Variants in ZRANB1 observed in about 807,000 individuals in gnomAD.
ZRANB1 encodes ubiquitin thioesterase ZRANB1.
Under a neutral mutation model 80.5 loss-of-function variants are expected in ZRANB1, and 16 were observed. That is an observed-to-expected ratio of 0.20 (90% CI 0.13 to 0.30). ZRANB1 has a LOEUF of 0.30. Ranked by LOEUF, ZRANB1 falls within the 10% of genes least tolerant of loss-of-function variation. The probability of loss-of-function intolerance (pLI) is 1.00; values close to 1 mark genes in which losing one functional copy is unlikely to be tolerated. For synonymous variants in ZRANB1, 291 were observed against 293.1 expected, an observed-to-expected ratio of 0.99 and a Z score of 0.07; for missense variants, 576 against 862.6, an observed-to-expected ratio of 0.67 and a Z score of 4.16.
chr10:124,983,489 G>A lies in ZRANB1; in HGVS notation c.1709G>A (p.Ser570Asn). 1 of 1,612,696 alleles carries A rather than the reference G, an allele frequency of 6.2e-7. No homozygotes were observed. Among genetic ancestry groups the A allele is most frequent in the Non-Finnish European group, 8.5e-7 (1 of 1,178,764 alleles). The change falls in exon 8 of 9, where the codon AGT becomes AAT. Residue 570 changes from serine (S) to asparagine (N), a missense_variant. Physicochemically the swap from Ser to Asn is conservative, Grantham distance 46 (BLOSUM62 1). Around this residue, in one of 3 missense-constraint regions of ZRANB1, gnomAD observed 152 missense variants for 221.9 expected, o/e 0.69. Transcript: ENST00000359653. This position sits in a 1 kb window ranked among gnomAD's most constrained non-coding sequence, Gnocchi z 6.2. Reference protein sequence around the residue: ...GVYLPLLWEQSFCWKSPIALG... With the variant: ...GVYLPLLWEQNFCWKSPIALG... ...TATCTGCCTTTGTTGTGGGAACAGAGTTTTTGTTGGAAAAGTCCGATTGCT... is the reference window on the plus strand; with the variant it reads ...TATCTGCCTTTGTTGTGGGAACAGAATTTTTGTTGGAAAAGTCCGATTGCT...
At chr10:124,921,687 A>G in the ZRANB1 span, among the ~76,000 whole-genome samples, 1 of 152,094 alleles carries the variant, frequency 6.6e-6, no homozygotes, top group Non-Finnish European at 1.5e-5. Context: ...GAAACCTTTT[A>G]GCATCATTGA....
the ZRANB1 span, among the ~76,000 whole-genome samples, chr10:124,925,915 A>G: frequency 6.6e-6 from 1 of 152,200 alleles, no homozygotes; most frequent in African/African-American, 2.4e-5. Context: ...ACTTAGACAA[A>G]ACCTAGATAG....
the ZRANB1 span, among the ~76,000 whole-genome samples, chr10:124,935,986 G>A: frequency 6.6e-5 from 10 of 152,184 alleles, no homozygotes; most frequent in African/African-American, 2.4e-4. Context: ...TGCTTGGAGT[G>A]TACTTGGAGT....
At chr10:124,973,469 A>G (rs1487802379) in intron 3 of ZRANB1, among the ~76,000 whole-genome samples, 176 bp from the exon 4 acceptor site, 1 of 152,242 alleles carries the variant, frequency 6.6e-6, no homozygotes, top group African/African-American at 2.4e-5. Flanking sequence ...GAAAAGAAAT[A>G]TTTTATATCA....
intron 1 of ZRANB1, among the ~76,000 whole-genome samples, chr10:124,951,726 G>A (rs1302412709): frequency 2.0e-5 from 3 of 152,264 alleles, no homozygotes; most frequent in East Asian, 3.9e-4. Flanking sequence ...GGAGAGCGGG[G>A]CGGTCGGATC....
upstream of ZRANB1, among the ~76,000 whole-genome samples, chr10:124,941,966 G>A (rs563987976): frequency 4.6e-5 from 7 of 152,294 alleles, no homozygotes; most frequent in South Asian, 2.1e-4. Flanking sequence ...CTCCCTTAGC[G>A]AGAATGATAA....
At chr10:124,946,789 G>T (rs752792807) in intron 1 of ZRANB1, among the ~76,000 whole-genome samples, 1 of 152,058 alleles carries the variant, frequency 6.6e-6, no homozygotes, top group African/African-American at 2.4e-5. Flanking sequence ...TTAAAAAAAG[G>T]CTTGAGCAGT....
chr10:124,946,891 T>C (rs896348212), intron 1 of ZRANB1, among the ~76,000 whole-genome samples: 3 of 152,194 alleles, frequency 2.0e-5, no homozygotes, highest in Non-Finnish European at 4.4e-5. Flanking sequence ...AGATACAGTG[T>C]ATTTTGGGTT....
intron 1 of ZRANB1, among the ~76,000 whole-genome samples, chr10:124,954,140 GTTTTTTTTTTT>G (rs55962412): frequency 1.1e-4 from 6 of 52,510 alleles, no homozygotes; most frequent in South Asian, 8.5e-4. Flanking sequence ...GCTAATTCCT[GTTTTTTTTTTT>G]TTTTTTTTTT....
chr10:124,924,583 G>A, the ZRANB1 span, among the ~76,000 whole-genome samples: 6 of 152,114 alleles, frequency 3.9e-5, no homozygotes, highest in African/African-American at 9.7e-5. Context: ...ATATATGACC[G>A]TTTATGTGGC....
the ZRANB1 span, among the ~76,000 whole-genome samples, chr10:124,935,223 A>G: frequency 6.6e-6 from 1 of 152,216 alleles, no homozygotes; most frequent in Non-Finnish European, 1.5e-5. Context: ...GTAGTTGTAT[A>G]CTTAAGTATG....
intron 1 of ZRANB1, among the ~76,000 whole-genome samples, chr10:124,947,393 C>T (rs1404255021): frequency 2.6e-5 from 4 of 152,192 alleles, no homozygotes; most frequent in Non-Finnish European, 5.9e-5. Context: ...AATAGAGCAG[C>T]ACTACCTAAT....
intron 5 of ZRANB1, among the ~76,000 whole-genome samples, chr10:124,975,997 T>G (rs1007582776): frequency 4.6e-5 from 7 of 152,154 alleles, no homozygotes; most frequent in Non-Finnish European, 8.8e-5. Flanking sequence ...AGAGTGAGAC[T>G]GTCTTGTGGG....
intron 1 of ZRANB1, among the ~76,000 whole-genome samples, chr10:124,961,006 G>T (rs1175595106): frequency 8.5e-5 from 12 of 141,872 alleles, no homozygotes; most frequent in Admixed American, 5.7e-4. Context: ...TTTGTTTTTT[G>T]TTTTTTTTTT....
chr10:124,939,238 T>C (rs2134237072), upstream of ZRANB1, among the ~76,000 whole-genome samples: 1 of 151,964 alleles, frequency 6.6e-6, no homozygotes, highest in Non-Finnish European at 1.5e-5. Flanking sequence ...TCTTGCTGTG[T>C]TGCCCAGGTT....
At chr10:124,971,493 C>G (rs908816612) in intron 2 of ZRANB1, among the ~76,000 whole-genome samples, 5 of 152,152 alleles carry the variant, frequency 3.3e-5, no homozygotes, top group African/African-American at 1.2e-4. Flanking sequence ...GGAACTAACC[C>G]TTTAAATACC....
the ZRANB1 span, among the ~76,000 whole-genome samples, chr10:124,932,247 T>A: frequency 6.6e-6 from 1 of 151,914 alleles, no homozygotes; most frequent in East Asian, 1.9e-4. Context: ...TTTTTGCAAT[T>A]AGAAAAAAAT....
chr10:124,939,545 T>G (rs1205674321), upstream of ZRANB1, among the ~76,000 whole-genome samples: 1 of 152,206 alleles, frequency 6.6e-6, no homozygotes, highest in Non-Finnish European at 1.5e-5. Context: ...ATTAGTTACA[T>G]GAAGATTAGC....
intron 1 of ZRANB1, chr10:124,945,095 T>A (rs1442738325): frequency 6.6e-6 from 1 of 152,250 alleles, no homozygotes; most frequent in Admixed American, 6.5e-5. Context: ...TCAAATTGAT[T>A]TAACATAAAA....
Sources: allele counts gnomAD v4.1 joint callset (sites outside exome capture counted in the v4.1 genomes callset), GRCh38; gene constraint gnomAD v4.1.1; regional missense constraint gnomAD v4.1.1; non-coding constraint Gnocchi (gnomAD v3.1); transcripts MANE v1.5; gene names NCBI Gene and HGNC (gene_info 2026-07-23, HGNC 2026-07-21).